KAT8: variants seen among roughly 807,000 people sequenced by gnomAD.
KAT8 encodes the protein lysine acetyltransferase 8, also known as histone acetyltransferase KAT8.
Under a neutral mutation model 62.9 loss-of-function variants are expected in KAT8, and 40 were observed. The ratio of observed to expected loss-of-function variants is 0.64; its 90% CI spans 0.49 to 0.83. KAT8 has a LOEUF of 0.83. Ranked by LOEUF, KAT8 falls within the 40% of genes least tolerant of loss-of-function variation. The probability of loss-of-function intolerance (pLI) is 0.00; values close to 1 mark genes in which losing one functional copy is unlikely to be tolerated. For synonymous variants in KAT8, 278 were observed against 254.5 expected, an observed-to-expected ratio of 1.09 and a Z score of -0.88; for missense variants, 387 against 614.8, an observed-to-expected ratio of 0.63 and a Z score of 3.92.
chr16:31,126,792 A>G, intron 3 of KAT8: 1 of 543,272 alleles, frequency 1.8e-6, no homozygotes, highest in East Asian at 3.1e-5. Context: ...TTCATCTGGC[A>G]AAAGGTCCAA....
intron 6 of KAT8, 137 bp from the exon 7 acceptor site, chr16:31,129,880 C>T (rs1260877654): frequency 1.9e-5 from 18 of 947,890 alleles, no homozygotes; most frequent in Non-Finnish European, 2.8e-5. Flanking sequence ...AGAGGCTGAC[C>T]GAAGACTCCT....
chr16:31,120,690 A>G (rs1265136046), intron 3 of KAT8, 176 bp downstream of exon 3: 3 of 625,354 alleles, frequency 4.8e-6, no homozygotes, highest in Non-Finnish European at 8.1e-6. Context: ...GAAAACAGAC[A>G]GAGGGTAAGG....
rs1386618670 is a variant in KAT8 at position 31,130,860 on chromosome 16, G to A, written c.1272G>A (p.Glu424=). The change falls in exon 10 of 11, where the codon GAG becomes GAA. Residue 424 remains glutamate (E), a synonymous_variant. Transcript: ENST00000219797. ...GTGTCACACCCAAGCTGGTGGAGGAGCACCTCAAAAGTGCCCAGTATAAGA... is the reference window on the plus strand; with the variant it reads ...GTGTCACACCCAAGCTGGTGGAGGAACACCTCAAAAGTGCCCAGTATAAGA... ...VICVTPKLVE[E]HLKSAQYKKP... 1 of 1,612,964 alleles carries A rather than the reference G, an allele frequency of 6.2e-7. No homozygotes were observed. The highest frequency in any genetic ancestry group is 1.7e-5 in the Admixed American group (1 of 59,908).
intron 9 of KAT8, 45 bp downstream of exon 9, chr16:31,130,651 T>C: frequency 6.2e-7 from 1 of 1,611,374 alleles, no homozygotes; most frequent in Non-Finnish European, 8.5e-7. Context: ...TGCCCTGAGA[T>C]GGGCCACGAT....
In KAT8 at chr16:31,128,041, C is replaced by T. The variant is rs776338282; in HGVS notation, c.682-9C>T. On this transcript the variant is annotated splice_polypyrimidine_tract_variant and intron_variant, in intron 5 of 10. Coordinates refer to ENST00000219797, the MANE Select transcript of KAT8 (RefSeq NM_032188.3). ...TGGGCAGCGAACCTGTTCTCTTGTC[C>T]CCGACCAGGGTCAGTGCCAGTGGCG... The T allele has an allele frequency of 6.2e-7, 1 of 1,612,590 alleles. No homozygotes were observed. The highest frequency in any genetic ancestry group is 8.5e-7 in the Non-Finnish European group (1 of 1,178,706).
At chr16:31,118,574 A>G (rs9925964) in intron 1 of KAT8, 48,204 of 152,054 alleles carry the variant, frequency 0.32, 9,647 homozygotes, top group East Asian at 0.89. Flanking sequence ...CCCTTCAGGC[A>G]AAGTGAGTGG....
Position 31,127,263 on chromosome 16 carries a change from C to T in KAT8, c.591C>T (p.Phe197=), listed in dbSNP as rs1239942885. 4 of 1,614,092 alleles carry T rather than the reference C, an allele frequency of 2.5e-6. No homozygotes were observed. The highest frequency in any genetic ancestry group is 2.2e-5 in the East Asian group (1 of 44,896). ...TTGATGCCTGGTATTTCTCACCATTCCCCGAAGACTATGGGAAACAGCCCA... is the reference window on the plus strand; with the variant it reads ...TTGATGCCTGGTATTTCTCACCATTTCCCGAAGACTATGGGAAACAGCCCA... ...YEIDAWYFSP[F]PEDYGKQPKL... Residue 197 remains phenylalanine, a synonymous_variant, in exon 5 of 11, where the codon TTC becomes TTT. Coordinates refer to ENST00000219797, the MANE Select transcript of KAT8 (RefSeq NM_032188.3).
intron 3 of KAT8, among the ~76,000 whole-genome samples, chr16:31,121,684 C>G (rs541103199): frequency 6.6e-6 from 1 of 152,124 alleles, no homozygotes; most frequent in Admixed American, 6.6e-5. Flanking sequence ...GTAGCTGGGA[C>G]TACAGGAGTG....
intron 3 of KAT8, among the ~76,000 whole-genome samples, chr16:31,123,041 G>T (rs1473078126): frequency 6.6e-6 from 1 of 152,028 alleles, no homozygotes; most frequent in Non-Finnish European, 1.5e-5. Flanking sequence ...AAATTAGCCG[G>T]GCGTGGTGGT....
intron 3 of KAT8, among the ~76,000 whole-genome samples, chr16:31,125,198 A>T (rs1324635232): frequency 1.3e-5 from 2 of 149,556 alleles, no homozygotes; most frequent in Non-Finnish European, 3.0e-5. Context: ...TCTCAGAAGA[A>T]AAAAAAAAAA....
chr16:31,130,652 G>A, intron 9 of KAT8, 46 bp downstream of exon 9: 1 of 1,611,288 alleles, frequency 6.2e-7, no homozygotes, highest in Non-Finnish European at 8.5e-7. Context: ...GCCCTGAGAT[G>A]GGCCACGATC....
intron 1 of KAT8, among the ~76,000 whole-genome samples, chr16:31,118,911 T>G (rs1483362542): frequency 2.8e-5 from 4 of 145,388 alleles, no homozygotes; most frequent in Non-Finnish European, 6.0e-5. Flanking sequence ...TGAGACAGGA[T>G]CTCGCTCTGT....
chr16:31,130,337 A>C lies in KAT8; in HGVS notation c.983A>C (p.Tyr328Ser). 1.2e-6 allele frequency: 2 copies of C among 1,614,190 alleles called. No individual in the cohort carries two copies. The highest frequency in any genetic ancestry group is 1.7e-6 in the Non-Finnish European group (2 of 1,180,016). ...LTLPPYQRRG[Y>S]GKFLIAFSYE... The stretch of plus-strand genomic sequence containing the variant: ...TTGCCCCCCTACCAACGCCGCGGCT[A>C]CGGGAAGTTCCTCATCGCTTTCAGT... Residue 328 changes from tyrosine to serine, a missense_variant, in exon 8 of 11, where the codon TAC becomes TCC. Transcript: ENST00000219797.
At chr16:31,127,013 C>T (rs2057536365) in intron 3 of KAT8, 22 bp from the exon 4 acceptor site, 5 of 1,614,084 alleles carry the variant, frequency 3.1e-6, no homozygotes, top group Non-Finnish European at 4.2e-6. Flanking sequence ...TCACCTCTGC[C>T]CACTTTTCTT....
chr16:31,120,640 G>C, intron 3 of KAT8, 126 bp downstream of exon 3: 1 of 844,284 alleles, frequency 1.2e-6, no homozygotes. Context: ...AGTGTGTCAG[G>C]GACTTTACCT....
At position 31,127,312 on chromosome 16, in the gene KAT8, C is replaced by T. The variant is rs2057539353; in HGVS notation, c.640C>T (p.Leu214Phe). ...QPKLWLCEYC[L>F]KYMKYEKSYR... ...CAAGCTCTGGCTCTGCGAGTACTGC[C>T]TCAAGTACATGAAATATGAGAAGAG... is the stretch of plus-strand genomic sequence containing the variant. The change falls in exon 5 of 11, where the codon CTC (leucine) becomes TTC (phenylalanine). Residue 214 changes from leucine to phenylalanine, a missense_variant. By Grantham distance (22) the Leu-to-Phe change is conservative. Transcript: ENST00000219797. 1.9e-6 allele frequency: 3 copies of T among 1,614,102 alleles called. No homozygotes were observed. The highest frequency in any genetic ancestry group is 1.7e-5 in the Admixed American group (1 of 60,012).
At chr16:31,129,930 TC>T (rs1287571404) in intron 6 of KAT8, 86 bp from the exon 7 acceptor site, 3 of 1,471,178 alleles carry the variant, frequency 2.0e-6, no homozygotes, top group Non-Finnish European at 9.3e-7. Context: ...GGCGCCCACT[TC>T]GCGTGGGCTG....
In KAT8 at chr16:31,120,180, T is replaced by C; in HGVS notation, c.212-6T>C. 1 of 1,613,726 alleles carries C rather than the reference T, an allele frequency of 6.2e-7. No individual in the cohort carries two copies. ...TCCTGATGACCCTAGCCTTTTTCCA[T>C]CACAGATTCTGCTGAAGTGATCCAG... On this transcript the variant is annotated splice_region_variant and splice_polypyrimidine_tract_variant and intron_variant, in intron 1 of 10. Coordinates refer to ENST00000219797, the MANE Select transcript of KAT8 (RefSeq NM_032188.3).
At chr16:31,127,977 A>G (rs562776085) in intron 5 of KAT8, 73 bp from the exon 6 acceptor site, 1 of 1,023,964 alleles carries the variant, frequency 9.8e-7, no homozygotes, top group South Asian at 1.3e-5. Flanking sequence ...GCTCCAAAGC[A>G]TGCAGTGGTG....
Sources: allele counts gnomAD v4.1 joint callset (sites outside exome capture counted in the v4.1 genomes callset), GRCh38; gene constraint gnomAD v4.1.1; transcripts MANE v1.5; gene names NCBI Gene and HGNC (gene_info 2026-07-23, HGNC 2026-07-21).